KIF9: variants seen among roughly 807,000 people sequenced by gnomAD.
The protein encoded by KIF9 is kinesin-like protein KIF9.
A neutral mutation model predicts 94.8 loss-of-function variants in KIF9; 68 were observed. The observed-to-expected ratio is 0.72, with a 90% CI of 0.59 to 0.88. The LOEUF is 0.88. Among genes scored for constraint, KIF9 ranks in the 40% least tolerant of loss-of-function variants. The pLI, the probability that KIF9 is intolerant of heterozygous loss-of-function variation, is 0.00. For missense variants in KIF9, 882 were observed against 982.5 expected (o/e 0.90, Z 1.37); for synonymous variants, 343 against 362.1 (o/e 0.95, Z 0.60).
Position 47,235,574 on chromosome 3 carries a change from AC to A in KIF9, c.2260del (p.Val754CysfsTer18), listed in dbSNP as rs1698959277. 6.2e-7 allele frequency: 1 copy of A among 1,613,828 alleles called. No individual in the cohort carries two copies. Among genetic ancestry groups the A allele is most frequent in the Admixed American group, 1.7e-5 (1 of 59,976 alleles). ...QDKFSQLQQRVLPEGPDSISF... is the reference protein window; with the variant it reads ...QDKFSQLQQRXLPEGPDSISF... Reference sequence around the variant, plus strand: ...GATGGAATCAGGGCCCTCAGGAAGCACCCTCTGCTGCAGCTGGCTGAATTTG... The same window carrying A: ...GATGGAATCAGGGCCCTCAGGAAGCACCTCTGCTGCAGCTGGCTGAATTTG... On this transcript the variant is annotated frameshift_variant, in exon 20 of 21. Transcript: ENST00000684063. LOFTEE classifies it high-confidence loss of function.
chr3:47,240,277 G>C (rs1440617505), intron 17 of KIF9: 3 of 224,822 alleles, frequency 1.3e-5, no homozygotes, highest in African/African-American at 6.8e-5. Context: ...ATAAGACTCT[G>C]ACAGACCAGC....
At chr3:47,237,092 ACTTT>A (rs1699080194) in intron 17 of KIF9, among the ~76,000 whole-genome samples, 1 of 152,034 alleles carries the variant, frequency 6.6e-6, no homozygotes, top group South Asian at 2.1e-4. Flanking sequence ...TCCACCAGCT[ACTTT>A]CTTTTTTTTT....
At chr3:47,280,464 G>C (rs1298798660) in intron 1 of KIF9, among the ~76,000 whole-genome samples, 2 of 152,228 alleles carry the variant, frequency 1.3e-5, no homozygotes, top group Non-Finnish European at 2.9e-5. Context: ...CCCAGCCTTT[G>C]GGAGGCCAAT....
chr3:47,277,478 CA>C (rs1702057028), intron 1 of KIF9, 99 bp from the exon 2 acceptor site: 3 of 808,402 alleles, frequency 3.7e-6, no homozygotes, highest in Admixed American at 4.7e-5. Context: ...GAGTGACGAG[CA>C]GTCCATTTTT....
intron 10 of KIF9, chr3:47,250,523 G>T: frequency 2.3e-6 from 1 of 437,826 alleles, no homozygotes; most frequent in Non-Finnish European, 4.7e-6. Flanking sequence ...TTTTTTTTCA[G>T]ATCAGACGGG....
intron 20 of KIF9, among the ~76,000 whole-genome samples, chr3:47,232,419 G>C (rs1698663974): frequency 6.6e-6 from 1 of 151,874 alleles, no homozygotes; most frequent in Non-Finnish European, 1.5e-5. Flanking sequence ...CGAGTAGCTG[G>C]AACTACAGGC....
At chr3:47,275,936 C>T (rs1701938536) in intron 2 of KIF9, among the ~76,000 whole-genome samples, 1 of 152,162 alleles carries the variant, frequency 6.6e-6, no homozygotes, top group African/African-American at 2.4e-5. Context: ...CTCAGCTCTG[C>T]ATTATGGTGA....
At chr3:47,261,462 T>A (rs910611193) in intron 9 of KIF9, among the ~76,000 whole-genome samples, 14 of 152,144 alleles carry the variant, frequency 9.2e-5, no homozygotes, top group African/African-American at 3.4e-4. Flanking sequence ...GGAGAGCTCC[T>A]CCTTGGCAGT....
At chr3:47,262,460 G>A (rs1164095721) in intron 9 of KIF9, among the ~76,000 whole-genome samples, 1 of 152,018 alleles carries the variant, frequency 6.6e-6, no homozygotes, top group Non-Finnish European at 1.5e-5. Flanking sequence ...ACTAGAGACA[G>A]CGTTTCACCA....
intron 9 of KIF9, among the ~76,000 whole-genome samples, chr3:47,263,328 A>G (rs892355961): frequency 6.6e-6 from 1 of 151,964 alleles, no homozygotes; most frequent in African/African-American, 2.4e-5. Context: ...TAATTCTCAC[A>G]AGCTTCTCCC....
intron 10 of KIF9, among the ~76,000 whole-genome samples, chr3:47,248,795 G>A (rs1321793788): frequency 6.6e-6 from 1 of 152,148 alleles, no homozygotes; most frequent in East Asian, 1.9e-4. Context: ...CCAGGCTGGA[G>A]TGCAGTGTCA....
intron 10 of KIF9, 62 bp from the exon 11 acceptor site, chr3:47,248,148 C>T (rs1700047250): frequency 8.3e-7 from 1 of 1,211,852 alleles, no homozygotes. Context: ...GCTACCCTGT[C>T]TCTTCCACAG....
chr3:47,270,287 CTT>C (rs376633103), intron 5 of KIF9, among the ~76,000 whole-genome samples: 42 of 149,208 alleles, frequency 2.8e-4, no homozygotes, highest in African/African-American at 9.4e-4. Flanking sequence ...GAGTTTTGCT[CTT>C]GTTGCCCAGG....
At chr3:47,266,093 T>G in intron 7 of KIF9, 1 of 499,476 alleles carries the variant, frequency 2.0e-6, no homozygotes, top group Admixed American at 3.3e-5. Flanking sequence ...TGAACACTCA[T>G]GTGAATACTC....
At chr3:47,273,771 G>C in intron 3 of KIF9, 113 bp from the exon 4 acceptor site, 1 of 866,798 alleles carries the variant, frequency 1.2e-6, no homozygotes, top group Admixed American at 2.0e-5. Context: ...GATGGCCAGT[G>C]GGGGCAGCCA....
At chr3:47,273,068 A>AC (rs913452340) in intron 4 of KIF9, among the ~76,000 whole-genome samples, 3 of 151,350 alleles carry the variant, frequency 2.0e-5, no homozygotes, top group South Asian at 2.1e-4. Flanking sequence ...TGCTATTGAG[A>AC]CCCCCCGGGC....
intron 8 of KIF9, among the ~76,000 whole-genome samples, chr3:47,265,381 G>C (rs1284980350): frequency 6.6e-6 from 1 of 152,158 alleles, no homozygotes; most frequent in East Asian, 1.9e-4. Context: ...CTCTGTACAG[G>C]AGGCTGCAGG....
chr3:47,246,821 C>T (rs917974779), intron 12 of KIF9, among the ~76,000 whole-genome samples: 1 of 152,180 alleles, frequency 6.6e-6, no homozygotes, highest in Admixed American at 6.5e-5. Flanking sequence ...GAGCTGCCCA[C>T]AGTAACAGCC....
intron 10 of KIF9, among the ~76,000 whole-genome samples, chr3:47,249,617 C>T (rs1700141937): frequency 6.6e-6 from 1 of 152,302 alleles, no homozygotes; most frequent in Non-Finnish European, 1.5e-5. Flanking sequence ...CAAACACTTC[C>T]ACAAATTGGT....
Sources: gnomAD v4.1 joint callset for allele counts (sites outside exome capture counted in the v4.1 genomes callset) on GRCh38, gnomAD v4.1.1 for gene constraint, MANE v1.5 for transcripts, NCBI Gene and HGNC (gene_info 2026-07-23, HGNC 2026-07-21) for gene names.